GRIK4: variants seen among roughly 807,000 people sequenced by gnomAD.
GRIK4 encodes glutamate receptor ionotropic, kainate 4.
Under a neutral mutation model 104.9 loss-of-function variants are expected in GRIK4, and 40 were observed. That is an observed-to-expected ratio of 0.38 (90% CI 0.30 to 0.50). The LOEUF (loss-of-function observed/expected upper bound fraction) is 0.50. Ranked by LOEUF, GRIK4 falls within the 20% of genes least tolerant of loss-of-function variation. The probability of loss-of-function intolerance (pLI) is 0.93; values close to 1 mark genes in which losing one functional copy is unlikely to be tolerated. For synonymous variants in GRIK4, 485 were observed against 524.9 expected (o/e 0.92, Z 1.04); for missense variants, 1,047 against 1,308.1 (o/e 0.80, Z 3.08).
At chr11:120,601,880 G>A (rs956627407) in intron 1 of GRIK4, among the ~76,000 whole-genome samples, 1 of 152,098 alleles carries the variant, frequency 6.6e-6, no homozygotes, top group African/African-American at 2.4e-5. Context: ...GGATAAAGAA[G>A]CTGGGTGAGC....
At chr11:120,793,454 G>A (rs1323045370) in intron 3 of GRIK4, among the ~76,000 whole-genome samples, 2 of 152,250 alleles carry the variant, frequency 1.3e-5, no homozygotes, top group South Asian at 4.2e-4. Flanking sequence ...CCAGGGGAAA[G>A]GAAGGAAGGC....
chr11:120,625,260 T>G (rs11217928), intron 1 of GRIK4, among the ~76,000 whole-genome samples: 3 of 151,842 alleles, frequency 2.0e-5, no homozygotes, highest in Non-Finnish European at 1.5e-5. Context: ...GGCGACAGAG[T>G]GACTTAAGTT....
At chr11:120,698,438 G>A (rs1355420206) in intron 3 of GRIK4, among the ~76,000 whole-genome samples, 1 of 152,160 alleles carries the variant, frequency 6.6e-6, no homozygotes, top group African/African-American at 2.4e-5. Flanking sequence ...TCTGAGCCCT[G>A]GGCTCCTCAT....
chr11:120,891,267 CAG>C (rs1955284785), intron 11 of GRIK4, among the ~76,000 whole-genome samples: 1 of 152,216 alleles, frequency 6.6e-6, no homozygotes, highest in Admixed American at 6.5e-5. Context: ...ATCTGAGCCA[CAG>C]AGAGGGGAAA....
At chr11:120,787,120 C>T (rs542185415) in intron 3 of GRIK4, among the ~76,000 whole-genome samples, 7 of 151,978 alleles carry the variant, frequency 4.6e-5, no homozygotes, top group African/African-American at 1.4e-4. Context: ...GAGTTCAAAA[C>T]CAGCGTAGGC....
chr11:120,750,385 G>T (rs1231651173), intron 3 of GRIK4, among the ~76,000 whole-genome samples: 2 of 136,736 alleles, frequency 1.5e-5, no homozygotes, highest in Non-Finnish European at 3.1e-5. Flanking sequence ...GGAGGCTGGG[G>T]ATGTAGAGTC....
chr11:120,719,307 C>G (rs553488546), intron 3 of GRIK4, among the ~76,000 whole-genome samples: 1 of 152,258 alleles, frequency 6.6e-6, no homozygotes, highest in African/African-American at 2.4e-5. Context: ...ATAATCTGCT[C>G]TGGGTAGAGG....
chr11:120,889,588 CATTTTTTTTTTT>C (rs1291989260), intron 11 of GRIK4, among the ~76,000 whole-genome samples: 2 of 67,148 alleles, frequency 3.0e-5, no homozygotes, highest in African/African-American at 5.3e-5. Context: ...AAAGAGCTTA[CATTTTTTTTTTT>C]TTTTTTTTTT....
intron 1 of GRIK4, among the ~76,000 whole-genome samples, chr11:120,609,046 G>A (rs1948998844): frequency 6.6e-6 from 1 of 152,216 alleles, no homozygotes; most frequent in Admixed American, 6.5e-5. Context: ...TTGCACAATT[G>A]TGGGGTAATG....
intron 3 of GRIK4, among the ~76,000 whole-genome samples, chr11:120,773,550 G>T (rs1042212388): frequency 2.6e-5 from 4 of 152,224 alleles, no homozygotes; most frequent in African/African-American, 7.2e-5. Flanking sequence ...GGGAAGTGGG[G>T]GTGTTGCTCC....
rs555818592 is a variant in GRIK4 at position 120,705,508 on chromosome 11, G to A, written c.82+45108G>A. On this transcript the variant is annotated intron_variant, in intron 3 of 20. Transcript: ENST00000527524. ...CCCAAATTGTTGGGATTACAGGTGT[G>A]AGCCACTGCACCTCGCCCAGCTTTT... is the stretch of plus-strand genomic sequence containing the variant. Among the ~76,000 whole-genome samples the A allele has an allele frequency of 3.9e-5, 6 of 152,266 alleles. No homozygotes were observed. The East Asian group carries it at 1.2e-3, about 29-fold the overall frequency.
intron 1 of GRIK4, among the ~76,000 whole-genome samples, chr11:120,617,877 A>G (rs1411877545): frequency 6.6e-6 from 1 of 152,168 alleles, no homozygotes; most frequent in Non-Finnish European, 1.5e-5. Flanking sequence ...CCCAGTCTCA[A>G]ATATTTCTTT....
intron 13 of GRIK4, among the ~76,000 whole-genome samples, chr11:120,931,026 A>T (rs139226928): frequency 6.6e-6 from 1 of 152,322 alleles, no homozygotes; most frequent in East Asian, 1.9e-4. Flanking sequence ...TTTGTGCATT[A>T]TATGTATTAT....
intron 1 of GRIK4, chr11:120,564,617 C>T (rs1379431578): frequency 6.6e-6 from 1 of 152,452 alleles, no homozygotes; most frequent in Non-Finnish European, 1.5e-5. Flanking sequence ...CCCGCAGCCG[C>T]AGTCGTTCGG....
At chr11:120,822,957 C>T (rs1337680727) in intron 6 of GRIK4, among the ~76,000 whole-genome samples, 1 of 152,210 alleles carries the variant, frequency 6.6e-6, no homozygotes, top group African/African-American at 2.4e-5. Context: ...GTGGGAAGCT[C>T]TGCATTCCAC....
At chr11:120,731,259 G>GTTT (rs1304589343) in intron 3 of GRIK4, among the ~76,000 whole-genome samples, 1 of 142,956 alleles carries the variant, frequency 7.0e-6, no homozygotes, top group Non-Finnish European at 1.5e-5. Flanking sequence ...TTTTTTTTTA[G>GTTT]TTTTTTTTTT....
At chr11:120,943,963 G>A (rs542607555) in intron 14 of GRIK4, among the ~76,000 whole-genome samples, 4 of 152,206 alleles carry the variant, frequency 2.6e-5, no homozygotes, top group African/African-American at 9.6e-5. Context: ...GTTGATTGTG[G>A]GATATTTACC....
At position 120,940,861 on chromosome 11, in the gene GRIK4, A is replaced by G. The variant is rs1943706976; in HGVS notation, c.1590+401A>G. Reference sequence around the variant, plus strand: ...TTCTAGTGTTGCATTTGGCGAGGGAATGTAGATTCCTTCTCTCTCGATGAT... The same window carrying G: ...TTCTAGTGTTGCATTTGGCGAGGGAGTGTAGATTCCTTCTCTCTCGATGAT... On this transcript the variant is annotated intron_variant, in intron 14 of 20. Coordinates refer to ENST00000527524, the MANE Select transcript of GRIK4 (RefSeq NM_014619.5). This position sits in a 1 kb window ranked among gnomAD's most constrained non-coding sequence, Gnocchi z 4.3. Among the ~76,000 whole-genome samples the G allele has an allele frequency of 6.6e-6, 1 of 152,202 alleles. No homozygotes were observed. The highest frequency in any genetic ancestry group is 1.5e-5 in the Non-Finnish European group (1 of 68,012).
intron 6 of GRIK4, among the ~76,000 whole-genome samples, chr11:120,822,699 A>G (rs1486331005): frequency 6.6e-6 from 1 of 152,250 alleles, no homozygotes; most frequent in Non-Finnish European, 1.5e-5. Flanking sequence ...TCTACAGGAC[A>G]GCTCGGCTTT....
Sources: gnomAD v4.1 joint callset for allele counts (sites outside exome capture counted in the v4.1 genomes callset) on GRCh38, gnomAD v4.1.1 for gene constraint, Gnocchi (gnomAD v3.1) non-coding constraint, MANE v1.5 for transcripts, NCBI Gene and HGNC (gene_info 2026-07-23, HGNC 2026-07-21) for gene names.